Variants in LACTBL1 observed in about 807,000 individuals in gnomAD.
LACTBL1 encodes the protein lactamase beta like 1, also known as beta-lactamase-like protein 1.
In LACTBL1, 29 loss-of-function variants were observed where a neutral mutation model predicts 39.6. The ratio of observed to expected loss-of-function variants is 0.73; its 90% CI spans 0.55 to 1.00. The LOEUF (loss-of-function observed/expected upper bound fraction) is 1.00, where lower values mean the gene tolerates loss of function less well. Ranked by LOEUF, LACTBL1 falls within the 50% of genes least tolerant of loss-of-function variation. The pLI is 0.00. For missense variants in LACTBL1, 711 were observed against 748.5 expected (o/e 0.95, Z 0.59); for synonymous variants, 361 against 360.7 (o/e 1.00, Z -0.01).
chr1:22,956,287 G>A (rs912794861), intron 4 of LACTBL1, among the ~76,000 whole-genome samples: 7 of 151,650 alleles, frequency 4.6e-5, no homozygotes, highest in Non-Finnish European at 8.8e-5. Flanking sequence ...CAGGAGGATT[G>A]CTTGAGCCCA....
intron 3 of LACTBL1, 107 bp from the exon 6 acceptor site, chr1:22,959,027 TC>T: frequency 1.5e-6 from 1 of 689,404 alleles, no homozygotes; most frequent in Non-Finnish European, 2.4e-6. Context: ...AAGCACTGCA[TC>T]CCTGCTTAAG....
the LACTBL1 span, chr1:22,972,371 G>A: frequency 2.0e-6 from 2 of 985,268 alleles, no homozygotes; most frequent in Non-Finnish European, 2.4e-6. Flanking sequence ...CTACACCACA[G>A]GAGATCCCGT....
At chr1:22,971,247 T>C in the LACTBL1 span, among the ~76,000 whole-genome samples, 1 of 151,874 alleles carries the variant, frequency 6.6e-6, no homozygotes, top group East Asian at 1.9e-4. Flanking sequence ...GCAGCTGGGA[T>C]CTCTACACCC....
At chr1:22,955,475 T>TGGTG in intron 4 of LACTBL1, 49 bp from the exon 7 acceptor site, 1 of 1,293,702 alleles carries the variant, frequency 7.7e-7, no homozygotes, top group South Asian at 1.3e-5. Flanking sequence ...GAGGGTGGGA[T>TGGTG]GGTGGGCCCC....
chr1:22,970,057 G>A (rs1199654217), upstream of LACTBL1, among the ~76,000 whole-genome samples: 1 of 152,208 alleles, frequency 6.6e-6, no homozygotes, highest in Non-Finnish European at 1.5e-5. Flanking sequence ...ACTTCTCCAG[G>A]TGTTGAAGAG....
intron 1 of LACTBL1, 39 bp downstream of exon 3, chr1:22,965,251 G>T: frequency 7.7e-7 from 1 of 1,304,460 alleles, no homozygotes; most frequent in Non-Finnish European, 9.8e-7. Flanking sequence ...AGGACCCAGG[G>T]GGCTATGGGG....
intron 2 of LACTBL1, 24 bp downstream of exon 4, chr1:22,963,083 G>C: frequency 8.0e-7 from 1 of 1,250,010 alleles, no homozygotes; most frequent in Non-Finnish European, 1.0e-6. Context: ...CATATGCCCA[G>C]TTTCCTCCTG....
exon 6 of LACTBL1, chr1:22,953,307 G>T (rs1328553711): frequency 3.3e-6 from 4 of 1,226,232 alleles, no homozygotes; most frequent in East Asian, 3.2e-5. Context: ...GCGCCTCCAC[G>T]CGCGGCCCGA....
upstream of LACTBL1, among the ~76,000 whole-genome samples, chr1:22,966,894 A>G (rs1449239303): frequency 6.6e-6 from 1 of 152,110 alleles, no homozygotes; most frequent in Non-Finnish European, 1.5e-5. Context: ...CCAGCCAGTC[A>G]TCAAGCCCTC....
chr1:22,965,116 A>C (rs1640863481), intron 1 of LACTBL1, among the ~76,000 whole-genome samples, 174 bp downstream of exon 3: 1 of 152,186 alleles, frequency 6.6e-6, no homozygotes, highest in Non-Finnish European at 1.5e-5. Flanking sequence ...GAGAGGCAAC[A>C]AGACTGTCCC....
chr1:22,953,850 G>A (rs773526054), exon 6 of LACTBL1: 40 of 1,548,560 alleles, frequency 2.6e-5, no homozygotes, highest in Non-Finnish European at 3.3e-5. Flanking sequence ...GCCCGCTGCC[G>A]TAGAAGCCCG....
intron 3 of LACTBL1, among the ~76,000 whole-genome samples, chr1:22,959,411 TTTAAA>T (rs562239564): frequency 1.1e-3 from 172 of 152,324 alleles, no homozygotes; most frequent in African/African-American, 3.9e-3. Flanking sequence ...GCAGGTGCAA[TTTAAA>T]TGCAATTCCC....
At chr1:22,955,461 G>T in intron 4 of LACTBL1, 35 bp from the exon 7 acceptor site, 1 of 1,437,422 alleles carries the variant, frequency 7.0e-7, no homozygotes, top group Non-Finnish European at 9.5e-7. Context: ...TACCGGGCCC[G>T]GCTGAGGGTG....
exon 6 of LACTBL1, chr1:22,953,480 A>G: frequency 8.1e-7 from 1 of 1,230,174 alleles, no homozygotes; most frequent in Non-Finnish European, 1.0e-6. Context: ...AGCTCATCGT[A>G]GGCCCGCGCC....
Position 22,964,559 on chromosome 1 carries a change from G to C in LACTBL1, c.49+731C>G, listed in dbSNP as rs141797007. On this transcript the variant is annotated intron_variant, in intron 1 of 5. Coordinates refer to ENST00000426928, the Ensembl canonical transcript of LACTBL1. ...ATCATGGGAAATAATCACTTGCTTT[G>C]TCTGAAGCCAGTAGGCTTTGGGGTG... Among the ~76,000 whole-genome samples the C allele has an allele frequency of 2.9e-3, 445 of 152,330 alleles. 2 individuals are homozygous for C. The highest frequency in any genetic ancestry group is 0.01 in the African/African-American group (429 of 41,572).
upstream of LACTBL1, among the ~76,000 whole-genome samples, chr1:22,968,093 GTAT>G (rs1640901766): frequency 6.6e-6 from 1 of 152,090 alleles, no homozygotes; most frequent in African/African-American, 2.4e-5. Context: ...ACAGCATGTA[GTAT>G]TGTTTTTTTT....
chr1:22,964,221 G>A (rs1334413840), intron 1 of LACTBL1, among the ~76,000 whole-genome samples: 1 of 152,248 alleles, frequency 6.6e-6, no homozygotes, highest in Non-Finnish European at 1.5e-5. Flanking sequence ...ACAGGCATGA[G>A]CCACCGTGCT....
exon 6 of LACTBL1, chr1:22,953,738 C>A: frequency 7.4e-7 from 1 of 1,355,122 alleles, no homozygotes; most frequent in Non-Finnish European, 9.5e-7. Context: ...CGCCGGGGCC[C>A]GCCGCCCAGG....
chr1:22,972,143 GA>G, the LACTBL1 span, among the ~76,000 whole-genome samples: 3 of 3,434 alleles, frequency 8.7e-4, no homozygotes, highest in Non-Finnish European at 2.5e-3. Context: ...CTCTAGAGAT[GA>G]TGATGATGAT....
Sources: gnomAD v4.1 joint callset for allele counts (sites outside exome capture counted in the v4.1 genomes callset) on GRCh38, gnomAD v4.1.1 for gene constraint, MANE v1.5 for transcripts, NCBI Gene and HGNC (gene_info 2026-07-23, HGNC 2026-07-21) for gene names.